Variants in STX8 observed in about 807,000 individuals in gnomAD.
STX8 encodes the protein syntaxin 8, also known as syntaxin-8.
A neutral mutation model predicts 37.5 loss-of-function variants in STX8; 23 were observed. The ratio of observed to expected loss-of-function variants is 0.61; its 90% confidence interval spans 0.44 to 0.87. The LOEUF (loss-of-function observed/expected upper bound fraction) is 0.87, where lower values mean the gene tolerates loss of function less well. Among genes scored for constraint, STX8 ranks in the 40% least tolerant of loss-of-function variants. The pLI is 0.00. For missense variants in STX8, 313 were observed against 284.7 expected (o/e 1.10, Z -0.71); for synonymous variants, 115 against 99.1 (o/e 1.16, Z -0.95).
intron 6 of STX8, among the ~76,000 whole-genome samples, chr17:9,390,004 T>C (rs1234427910): frequency 6.6e-6 from 1 of 152,202 alleles, no homozygotes; most frequent in Non-Finnish European, 1.5e-5. Context: ...TGGCATCCTA[T>C]GGCAGGGAGC....
chr17:9,362,000 A>T (rs1467639015), intron 7 of STX8, among the ~76,000 whole-genome samples: 2 of 152,234 alleles, frequency 1.3e-5, no homozygotes, highest in Non-Finnish European at 2.9e-5. Flanking sequence ...TAGGGAACTT[A>T]TTCAAAAAAT....
intron 6 of STX8, among the ~76,000 whole-genome samples, chr17:9,447,516 G>A (rs1169674680): frequency 2.0e-5 from 3 of 152,118 alleles, no homozygotes; most frequent in Non-Finnish European, 1.5e-5. Context: ...TCGGCCTCCC[G>A]AGTTCAAGCA....
Position 9,525,129 on chromosome 17 carries a change from T to C in STX8, c.324-19967A>G, listed in dbSNP as rs534414802. The stretch of plus-strand genomic sequence containing the variant: ...TGGCCAACACCCACGCTTTTAACTA[T>C]GTCATCCTTTCCCTCTGTGAGCAGG... On this transcript the variant is annotated intron_variant, in intron 4 of 7. Coordinates refer to ENST00000306357, the MANE Select transcript of STX8 (RefSeq NM_004853.3). Among the ~76,000 whole-genome samples the C allele has an allele frequency of 2.0e-5, 3 of 152,102 alleles. No individual in the cohort carries two copies. The East Asian group carries it at 5.8e-4, about 30-fold the overall frequency.
intron 4 of STX8, among the ~76,000 whole-genome samples, chr17:9,506,407 T>TTC (rs1365525760): frequency 2.5e-5 from 1 of 39,332 alleles, no homozygotes; most frequent in Non-Finnish European, 4.9e-5. Flanking sequence ...GCTCACCCGC[T>TTC]CCCCCCCCCC....
At position 9,280,052 on chromosome 17, in the gene STX8, T is replaced by A. The variant is rs532705340; in HGVS notation, c.644-29407A>T. ...CCTGGGCAACACAGTGAAACCTCAT[T>A]TCTATAAAAAATACAAAAATCAGCC... On this transcript the variant is annotated intron_variant, in intron 7 of 7. Coordinates refer to ENST00000306357, the MANE Select transcript of STX8 (RefSeq NM_004853.3). Among the ~76,000 whole-genome samples, 7 of 152,090 alleles carry A rather than the reference T, an allele frequency of 4.6e-5. No homozygotes were observed. The East Asian group carries it at 9.7e-4, about 21-fold the overall frequency.
intron 7 of STX8, among the ~76,000 whole-genome samples, chr17:9,327,229 AGG>A (rs1909791160): frequency 6.7e-6 from 1 of 149,622 alleles, no homozygotes; most frequent in Non-Finnish European, 1.5e-5. Context: ...AGGAAGAAGG[AGG>A]AAGGAGGACA....
intron 4 of STX8, among the ~76,000 whole-genome samples, chr17:9,526,853 AACTCC>A (rs1268750374): frequency 6.6e-6 from 1 of 151,448 alleles, no homozygotes; most frequent in African/African-American, 2.4e-5. Flanking sequence ...ACAAGAGCAA[AACTCC>A]ATCTCAAAAA....
intron 6 of STX8, among the ~76,000 whole-genome samples, chr17:9,392,172 T>G (rs989583707): frequency 6.6e-6 from 1 of 151,644 alleles, no homozygotes; most frequent in African/African-American, 2.4e-5. Flanking sequence ...ACAGCCAGAG[T>G]CTCATAAAAT....
chr17:9,272,530 AG>A (rs1907503075), intron 7 of STX8, among the ~76,000 whole-genome samples: 1 of 152,220 alleles, frequency 6.6e-6, no homozygotes, highest in Non-Finnish European at 1.5e-5. Context: ...ATAAGTCACA[AG>A]GGGGTGCCTT....
intron 7 of STX8, among the ~76,000 whole-genome samples, chr17:9,360,312 G>A (rs769073848): frequency 7.6e-6 from 1 of 132,304 alleles, no homozygotes; most frequent in Non-Finnish European, 1.5e-5. Context: ...GCAGCTCACT[G>A]CAACCTCTGC....
At chr17:9,304,930 T>TAAAAAA (rs1908921364) in intron 7 of STX8, among the ~76,000 whole-genome samples, 2 of 89,900 alleles carry the variant, frequency 2.2e-5, no homozygotes, top group African/African-American at 1.3e-4. Flanking sequence ...AAAAAATATG[T>TAAAAAA]ATATATATAT....
intron 6 of STX8, among the ~76,000 whole-genome samples, chr17:9,400,077 ATTAT>A (rs75045324): frequency 0.24 from 36,086 of 149,654 alleles, 4,751 homozygotes; most frequent in African/African-American, 0.34. Flanking sequence ...AGGCAGTGGA[ATTAT>A]TTATTTATTT....
intron 7 of STX8, among the ~76,000 whole-genome samples, chr17:9,331,982 C>T (rs1299831029): frequency 1.3e-5 from 2 of 152,176 alleles, no homozygotes; most frequent in Non-Finnish European, 2.9e-5. Context: ...GCCTAAAATA[C>T]TTGGGCGGCT....
At chr17:9,491,246 G>A (rs1906839778) in intron 6 of STX8, among the ~76,000 whole-genome samples, 1 of 151,824 alleles carries the variant, frequency 6.6e-6, no homozygotes, top group African/African-American at 2.4e-5. Flanking sequence ...TGGCAATCCC[G>A]TGCCCCCGTA....
At chr17:9,300,830 C>CTTTTTTTTTTTTTT (rs1164799565) in intron 7 of STX8, among the ~76,000 whole-genome samples, 17 of 90,908 alleles carry the variant, frequency 1.9e-4, no homozygotes, top group African/African-American at 3.3e-4. Flanking sequence ...TTATTTTGTT[C>CTTTTTTTTTTTTTT]TTTTTTTTTT....
chr17:9,400,392 A>T (rs1348103490), intron 6 of STX8, among the ~76,000 whole-genome samples: 4 of 141,980 alleles, frequency 2.8e-5, no homozygotes, highest in Non-Finnish European at 6.1e-5. Context: ...GAGCCACCGC[A>T]CCAGGCTTAT....
chr17:9,261,056 T>A (rs1004084834), intron 7 of STX8, among the ~76,000 whole-genome samples: 4 of 151,968 alleles, frequency 2.6e-5, no homozygotes, highest in African/African-American at 9.7e-5. Context: ...AAGCAGGAAA[T>A]TAAAAGGAAT....
At chr17:9,452,443 T>G (rs2142404196) in intron 6 of STX8, 1 of 152,330 alleles carries the variant, frequency 6.6e-6, no homozygotes, top group South Asian at 2.1e-4. Flanking sequence ...CTTACTCAAC[T>G]ATGATACAGC....
intron 4 of STX8, 23 bp from the exon 5 acceptor site, chr17:9,505,185 T>C (rs759275505): frequency 1.9e-6 from 3 of 1,595,052 alleles, no homozygotes; most frequent in Non-Finnish European, 2.6e-6. Flanking sequence ...ATTAAATGCA[T>C]GATATATCTC....
Sources: gnomAD v4.1 joint callset for allele counts (sites outside exome capture counted in the v4.1 genomes callset) on GRCh38, gnomAD v4.1.1 for gene constraint, MANE v1.5 for transcripts, NCBI Gene and HGNC (gene_info 2026-07-23, HGNC 2026-07-21) for gene names.